The following GPC5 variants were observed in gnomAD, a reference collection of about 807,000 sequenced individuals.
GPC5 encodes glypican-5.
In GPC5, 47 loss-of-function variants were observed where a neutral mutation model predicts 53.9. That is an observed-to-expected ratio of 0.87 (90% CI 0.69 to 1.11). The LOEUF is 1.11. Ranked by LOEUF, GPC5 falls within the 50% of genes most tolerant of loss-of-function variation. The pLI is 0.00. For synonymous variants in GPC5, 286 were observed against 263.3 expected (o/e 1.09, Z -0.84); for missense variants, 748 against 713.1 (o/e 1.05, Z -0.56).
At chr13:92,629,861 G>A (rs995482443) in intron 7 of GPC5, among the ~76,000 whole-genome samples, 5 of 152,112 alleles carry the variant, frequency 3.3e-5, no homozygotes, top group Admixed American at 2.6e-4. Context: ...AGAGGTTAGC[G>A]ATTTTTCTGT....
At chr13:92,385,421 C>CACATATATACACAT (rs2043789116) in intron 7 of GPC5, among the ~76,000 whole-genome samples, 2 of 30,080 alleles carry the variant, frequency 6.6e-5, no homozygotes, top group Non-Finnish European at 1.8e-4. Flanking sequence ...CATATATATA[C>CACATATATACACAT]ATATATACAT....
At chr13:92,544,685 G>A (rs971689868) in intron 7 of GPC5, among the ~76,000 whole-genome samples, 1 of 151,914 alleles carries the variant, frequency 6.6e-6, no homozygotes, top group Non-Finnish European at 1.5e-5. Context: ...TGTATTAGTA[G>A]TGAAACATAA....
intron 2 of GPC5, among the ~76,000 whole-genome samples, chr13:91,527,066 C>A (rs1416650557): frequency 6.6e-6 from 1 of 152,108 alleles, no homozygotes; most frequent in African/African-American, 2.4e-5. Flanking sequence ...CTGCCCCTGG[C>A]CCCTCCTAAA....
At chr13:92,630,930 G>C (rs1310066584) in intron 7 of GPC5, among the ~76,000 whole-genome samples, 2 of 151,936 alleles carry the variant, frequency 1.3e-5, no homozygotes, top group Non-Finnish European at 2.9e-5. Context: ...TTAAAGATGA[G>C]GCTGATTCTC....
At chr13:92,541,994 C>A (rs1040197082) in intron 7 of GPC5, among the ~76,000 whole-genome samples, 6 of 151,792 alleles carry the variant, frequency 4.0e-5, no homozygotes, top group African/African-American at 1.5e-4. Context: ...GTTCTTGCAC[C>A]AGAAAGGGTC....
At chr13:91,475,924 A>C (rs982218072) in intron 2 of GPC5, among the ~76,000 whole-genome samples, 1 of 152,222 alleles carries the variant, frequency 6.6e-6, no homozygotes, top group Non-Finnish European at 1.5e-5. Flanking sequence ...AATCTGCCAC[A>C]TAAGAAATGT....
intron 4 of GPC5, among the ~76,000 whole-genome samples, chr13:91,732,725 C>T (rs1187820986): frequency 6.6e-6 from 1 of 152,104 alleles, no homozygotes; most frequent in Admixed American, 6.6e-5. Context: ...GGTCCAGTTT[C>T]AGTTTTCTGC....
At chr13:91,539,649 G>C (rs913104335) in intron 2 of GPC5, among the ~76,000 whole-genome samples, 2 of 152,102 alleles carry the variant, frequency 1.3e-5, no homozygotes, top group African/African-American at 4.8e-5. Context: ...TAATGTGTCA[G>C]CTGAGAGTGA....
At chr13:92,658,928 T>TG (rs1033637892) in intron 7 of GPC5, 20 of 131,000 alleles carry the variant, frequency 1.5e-4, no homozygotes, top group East Asian at 6.5e-4. Flanking sequence ...TGTTTTGTTT[T>TG]TTTTTTTTTT....
chr13:91,786,383 A>T (rs938253589), intron 5 of GPC5, among the ~76,000 whole-genome samples: 3 of 152,130 alleles, frequency 2.0e-5, no homozygotes, highest in Non-Finnish European at 2.9e-5. Context: ...GACCTCTCTG[A>T]TCAGCTTCCC....
chr13:91,484,187 G>A, intron 2 of GPC5, among the ~76,000 whole-genome samples: 1 of 152,158 alleles, frequency 6.6e-6, no homozygotes, highest in East Asian at 1.9e-4. Context: ...TTGCATTGAA[G>A]CGAGGACTTT....
intron 5 of GPC5, among the ~76,000 whole-genome samples, chr13:91,796,314 C>A (rs1265463868): frequency 3.3e-5 from 5 of 152,190 alleles, no homozygotes; most frequent in Admixed American, 6.5e-5. Flanking sequence ...GTGCAGTGGA[C>A]ACCCTGCCGG....
At chr13:92,418,500 A>C (rs1469648900) in intron 7 of GPC5, among the ~76,000 whole-genome samples, 3 of 152,192 alleles carry the variant, frequency 2.0e-5, no homozygotes, top group East Asian at 3.9e-4. Flanking sequence ...GGAGAGATGC[A>C]ATATAGTGAA....
At chr13:92,522,116 C>A (rs911173969) in intron 7 of GPC5, among the ~76,000 whole-genome samples, 64 of 152,260 alleles carry the variant, frequency 4.2e-4, no homozygotes, top group African/African-American at 1.5e-3. Context: ...AGTCAGGAAA[C>A]AACAGGTGCT....
At position 91,398,850 on chromosome 13, in the gene GPC5, T is replaced by C; in HGVS notation, c.-197T>C. 1 of 566,702 alleles carries C rather than the reference T, an allele frequency of 1.8e-6. No individual in the cohort carries two copies. Among genetic ancestry groups the C allele is most frequent in the Non-Finnish European group, 3.0e-6 (1 of 332,152 alleles). 35.1% of individuals were successfully genotyped at this position (566,702 alleles called of 1,614,324 possible). ...GGTGCTCAGCTGGAAAACTCTGGTG[T>C]CTCAGCTTAGGGCCTCCTCCGGGAA... On this transcript the variant is annotated 5_prime_UTR_variant, in exon 1 of 8. Transcript: ENST00000377067.
At chr13:91,434,900 C>G (rs972049892) in intron 1 of GPC5, among the ~76,000 whole-genome samples, 2 of 152,172 alleles carry the variant, frequency 1.3e-5, no homozygotes, top group Non-Finnish European at 2.9e-5. Flanking sequence ...AGAGGTCCTT[C>G]ACGTCCCTTG....
chr13:91,511,933 A>G (rs906168148), intron 2 of GPC5, among the ~76,000 whole-genome samples: 2 of 152,164 alleles, frequency 1.3e-5, no homozygotes, highest in African/African-American at 4.8e-5. Flanking sequence ...ATATAAAAGA[A>G]TAGGGGAGAC....
chr13:92,079,872 C>A (rs1471491956), intron 6 of GPC5, among the ~76,000 whole-genome samples: 1 of 152,180 alleles, frequency 6.6e-6, no homozygotes, highest in African/African-American at 2.4e-5. Flanking sequence ...ATCTCCCGGT[C>A]AGTGTGCCAC....
chr13:92,341,335 A>C (rs964923145), intron 7 of GPC5, among the ~76,000 whole-genome samples: 26 of 152,208 alleles, frequency 1.7e-4, no homozygotes, highest in African/African-American at 6.3e-4. Flanking sequence ...TAATCTTTAA[A>C]GGCATACTGT....
Sources: gnomAD v4.1 joint callset for allele counts (sites outside exome capture counted in the v4.1 genomes callset) on GRCh38, gnomAD v4.1.1 for gene constraint, MANE v1.5 for transcripts, NCBI Gene and HGNC (gene_info 2026-07-23, HGNC 2026-07-21) for gene names.